The following PARPBP variants were observed in gnomAD, a reference collection of about 807,000 sequenced individuals.
PARPBP encodes the protein PCNA-interacting partner.
A neutral mutation model predicts 50.0 loss-of-function variants in PARPBP; 52 were observed. The observed-to-expected ratio is 1.04, with a 90% CI of 0.83 to 1.31. The LOEUF (loss-of-function observed/expected upper bound fraction) is 1.31. Ranked by LOEUF, PARPBP falls within the 50% of genes most tolerant of loss-of-function variation. PARPBP has a pLI of 0.00. For missense variants in PARPBP, 697 were observed against 672.0 expected, an observed-to-expected ratio of 1.04 and a Z score of -0.41; for synonymous variants, 244 against 232.1, an observed-to-expected ratio of 1.05 and a Z score of -0.47.
intron 7 of PARPBP, among the ~76,000 whole-genome samples, chr12:102,178,077 G>A (rs1889457607): frequency 6.6e-6 from 1 of 152,190 alleles, no homozygotes; most frequent in African/African-American, 2.4e-5. Context: ...TTCTTTGAAG[G>A]CAATGGTTGT....
intron 9 of PARPBP, among the ~76,000 whole-genome samples, chr12:102,185,108 A>T (rs1890188383): frequency 6.6e-6 from 1 of 152,198 alleles, no homozygotes. Flanking sequence ...TGCTCCTGCG[A>T]TCACAAAAGT....
intron 2 of PARPBP, among the ~76,000 whole-genome samples, chr12:102,138,999 A>C (rs557614692): frequency 6.6e-6 from 1 of 152,224 alleles, no homozygotes; most frequent in African/African-American, 2.4e-5. Context: ...ATGAATTTTA[A>C]AGTAGTTTTT....
At chr12:102,188,179 G>T (rs1188533399) in intron 9 of PARPBP, among the ~76,000 whole-genome samples, 1 of 152,006 alleles carries the variant, frequency 6.6e-6, no homozygotes, top group African/African-American at 2.4e-5. Flanking sequence ...TAGTTGTGTG[G>T]GGAGGTAGGG....
intron 2 of PARPBP, among the ~76,000 whole-genome samples, chr12:102,134,257 A>G (rs1883303798): frequency 1.3e-5 from 2 of 150,758 alleles, no homozygotes; most frequent in South Asian, 4.2e-4. Flanking sequence ...AAAAAAAGAA[A>G]TGAAAAAGGA....
At chr12:102,153,130 C>T (rs1275411472) in intron 3 of PARPBP, among the ~76,000 whole-genome samples, 1 of 152,152 alleles carries the variant, frequency 6.6e-6, no homozygotes, top group African/African-American at 2.4e-5. Flanking sequence ...GTCTGACACC[C>T]ATGGTTCCAC....
At chr12:102,186,627 A>C (rs887496357) in intron 9 of PARPBP, among the ~76,000 whole-genome samples, 16 of 152,188 alleles carry the variant, frequency 1.1e-4, no homozygotes, top group Non-Finnish European at 1.9e-4. Flanking sequence ...ATGATTTTTC[A>C]AGGAGATACC....
At chr12:102,170,195 T>C (rs1475134061) in intron 6 of PARPBP, among the ~76,000 whole-genome samples, 1 of 152,272 alleles carries the variant, frequency 6.6e-6, no homozygotes, top group African/African-American at 2.4e-5. Flanking sequence ...AATAGTTCCC[T>C]GTTGTTCAGA....
intron 2 of PARPBP, among the ~76,000 whole-genome samples, chr12:102,129,888 G>C (rs1882587195): frequency 2.0e-5 from 3 of 152,040 alleles, no homozygotes; most frequent in South Asian, 2.1e-4. Flanking sequence ...GCTAGAAAAA[G>C]CTCTTTTAAA....
chr12:102,170,775 AT>A (rs1173857691), intron 6 of PARPBP, among the ~76,000 whole-genome samples: 1 of 152,108 alleles, frequency 6.6e-6, no homozygotes, highest in African/African-American at 2.4e-5. Context: ...TTGACTATGA[AT>A]TTTTTAAAAT....
chr12:102,121,366 A>G (rs575341346), intron 1 of PARPBP, among the ~76,000 whole-genome samples: 3 of 152,282 alleles, frequency 2.0e-5, no homozygotes, highest in Non-Finnish European at 4.4e-5. Flanking sequence ...CCATAAAAAA[A>G]GTTTTATTGG....
intron 6 of PARPBP, among the ~76,000 whole-genome samples, chr12:102,168,939 C>CT (rs1265756413): frequency 6.6e-6 from 1 of 152,088 alleles, no homozygotes; most frequent in African/African-American, 2.4e-5. Context: ...AAAGAAAATA[C>CT]TTTCCTTTTT....
intron 2 of PARPBP, among the ~76,000 whole-genome samples, chr12:102,132,354 C>A (rs970338320): frequency 3.9e-5 from 6 of 152,100 alleles, no homozygotes; most frequent in Non-Finnish European, 7.4e-5. Context: ...GGATAAGGGT[C>A]TAATTTCATT....
intron 7 of PARPBP, among the ~76,000 whole-genome samples, 157 bp downstream of exon 7, chr12:102,175,823 A>G (rs1010966850): frequency 2.6e-5 from 4 of 152,198 alleles, no homozygotes; most frequent in Non-Finnish European, 5.9e-5. Context: ...AGGATTATGT[A>G]GGATTACATG....
intron 2 of PARPBP, among the ~76,000 whole-genome samples, chr12:102,146,769 A>G (rs1039805465): frequency 1.4e-4 from 21 of 152,220 alleles, no homozygotes; most frequent in African/African-American, 4.3e-4. Context: ...CTACCGTCAG[A>G]GTGAACAGGC....
At position 102,194,827 on chromosome 12, in the gene PARPBP, C is replaced by G. The variant is rs147205947; in HGVS notation, c.1264-485C>G. Among the ~76,000 whole-genome samples, 20 of 151,454 alleles carry G rather than the reference C, an allele frequency of 1.3e-4. No homozygotes were observed. In the East Asian group the frequency reaches 3.9e-3, roughly 29 times the overall value. The stretch of plus-strand genomic sequence containing the variant: ...TGCTAGTTTCCTGTTTTTGATTGAC[C>G]TCACTTAGTTCTTTTTTTCATCTTA... On this transcript the variant is annotated intron_variant, in intron 9 of 10. Coordinates refer to ENST00000327680, the MANE Select transcript of PARPBP (RefSeq NM_017915.5).
intron 4 of PARPBP, chr12:102,155,215 G>C (rs1375155509): frequency 6.3e-6 from 1 of 157,514 alleles, no homozygotes; most frequent in Non-Finnish European, 1.4e-5. Context: ...CCAGGGAGGT[G>C]GAGGTTACAG....
At position 102,178,585 on chromosome 12, in the gene PARPBP, G is replaced by C. The variant is rs770977160; in HGVS notation, c.1006-7G>C. On this transcript the variant is annotated splice_region_variant and splice_polypyrimidine_tract_variant and intron_variant, in intron 7 of 10. Coordinates refer to ENST00000327680, the MANE Select transcript of PARPBP (RefSeq NM_017915.5). ...TTACATTTACCTAAAATTATTTTTT[G>C]TCTCAGCCAAAATCTCATGCCATAA... 20 of 1,550,634 alleles carry C rather than the reference G, an allele frequency of 1.3e-5. No homozygotes were observed. Among genetic ancestry groups the C allele is most frequent in the African/African-American group, 1.4e-5 (1 of 72,092 alleles).
chr12:102,176,687 A>T (rs946926830), intron 7 of PARPBP, among the ~76,000 whole-genome samples: 4 of 152,230 alleles, frequency 2.6e-5, no homozygotes, highest in African/African-American at 9.6e-5. Context: ...AGGTATGATT[A>T]TGGTAGCCAG....
Position 102,197,121 on chromosome 12 carries a change from C to T in PARPBP, c.*830C>T. On this transcript the variant is annotated 3_prime_UTR_variant, in exon 11 of 11. Coordinates refer to ENST00000327680, the MANE Select transcript of PARPBP (RefSeq NM_017915.5). Reference sequence around the variant, plus strand: ...TTAGTGCAAGATAAGGTTTTATAGCCAGATTCAGTGGCAGACCATGATTTA... The same window carrying T: ...TTAGTGCAAGATAAGGTTTTATAGCTAGATTCAGTGGCAGACCATGATTTA... 1 of 1,612,204 alleles carries T rather than the reference C, an allele frequency of 6.2e-7. No homozygotes were observed. Among genetic ancestry groups the T allele is most frequent in the Non-Finnish European group, 8.5e-7 (1 of 1,178,686 alleles).
Sources: allele counts gnomAD v4.1 joint callset (sites outside exome capture counted in the v4.1 genomes callset), GRCh38; gene constraint gnomAD v4.1.1; transcripts MANE v1.5; gene names NCBI Gene and HGNC (gene_info 2026-07-23, HGNC 2026-07-21).